The following TEAD1 variants were observed in gnomAD, a reference collection of about 807,000 sequenced individuals.
The protein encoded by TEAD1 is transcriptional enhancer factor TEF-1.
Under a neutral mutation model 54.9 loss-of-function variants are expected in TEAD1, and 9 were observed. That is an observed-to-expected ratio of 0.16 (90% CI 0.10 to 0.29). TEAD1 has a LOEUF of 0.29. TEAD1 is among the 10% of genes least tolerant of loss of function. The pLI, the probability that TEAD1 is intolerant of heterozygous loss-of-function variation, is 1.00. For synonymous variants in TEAD1, 200 were observed against 187.8 expected (o/e 1.07, Z -0.53); for missense variants, 387 against 535.9 (o/e 0.72, Z 2.74).
chr11:12,820,913 C>G (rs1042068385), intron 3 of TEAD1, among the ~76,000 whole-genome samples: 2 of 152,338 alleles, frequency 1.3e-5, no homozygotes, highest in Middle Eastern at 6.8e-3. Flanking sequence ...TTGTACATCC[C>G]AGTCTGCTGT....
intron 3 of TEAD1, among the ~76,000 whole-genome samples, chr11:12,857,087 T>G (rs1310095379): frequency 1.3e-5 from 2 of 152,244 alleles, no homozygotes; most frequent in Non-Finnish European, 2.9e-5. Flanking sequence ...CTCCATGCCT[T>G]TCTTCTGGGA....
intron 3 of TEAD1, among the ~76,000 whole-genome samples, chr11:12,816,277 C>T (rs186676201): frequency 6.6e-6 from 1 of 152,362 alleles, no homozygotes; most frequent in African/African-American, 2.4e-5. Flanking sequence ...TCTGACCACA[C>T]TCTCACTAGG....
chr11:12,762,758 T>C (rs930467621), intron 2 of TEAD1, among the ~76,000 whole-genome samples: 1 of 152,198 alleles, frequency 6.6e-6, no homozygotes, highest in Non-Finnish European at 1.5e-5. Flanking sequence ...ACCTGGCATC[T>C]GTTGATATAC....
At chr11:12,797,921 T>C (rs1945970181) in intron 3 of TEAD1, among the ~76,000 whole-genome samples, 1 of 152,222 alleles carries the variant, frequency 6.6e-6, no homozygotes, top group Non-Finnish European at 1.5e-5. Context: ...GGACATCTTT[T>C]GTATGTTCAT....
chr11:12,697,918 G>A (rs938107560), intron 2 of TEAD1, among the ~76,000 whole-genome samples: 6 of 151,908 alleles, frequency 3.9e-5, no homozygotes, highest in African/African-American at 1.4e-4. Context: ...AGCTAGCTGG[G>A]AGACTGAGGT....
intron 10 of TEAD1, among the ~76,000 whole-genome samples, chr11:12,912,323 G>A (rs1366422761): frequency 6.6e-6 from 1 of 152,160 alleles, no homozygotes; most frequent in Admixed American, 6.5e-5. Flanking sequence ...GAGCTGTAGT[G>A]GAAGTGGGCA....
At chr11:12,703,054 A>C (rs1051086156) in intron 2 of TEAD1, among the ~76,000 whole-genome samples, 1 of 152,114 alleles carries the variant, frequency 6.6e-6, no homozygotes, top group Non-Finnish European at 1.5e-5. Context: ...GAGCCACTAC[A>C]TCTTATCCTG....
In TEAD1 at chr11:12,922,282, C is replaced by T. The variant is rs1272429961; in HGVS notation, c.874-2630C>T. ...CGGGATCTCGGCTCACTGCAAGCTC[C>T]GCCTCCCGGGTTCACGCCATTCTCC... On this transcript the variant is annotated intron_variant, in intron 10 of 12. Coordinates refer to ENST00000527636, the MANE Select transcript of TEAD1 (RefSeq NM_021961.6). 2.8e-4 allele frequency among the ~76,000 whole-genome samples: 14 copies of T among 50,662 alleles called. 4 individuals carry two copies. The East Asian group carries it at 2.8e-3, about 10-fold the overall frequency. 33.2% of individuals were successfully genotyped at this position (50,662 alleles called of 152,430 possible).
chr11:12,910,657 A>G (rs931690395), intron 10 of TEAD1, among the ~76,000 whole-genome samples: 1 of 152,024 alleles, frequency 6.6e-6, no homozygotes, highest in Non-Finnish European at 1.5e-5. Flanking sequence ...ATGTTATCCT[A>G]TACTTATTTA....
intron 9 of TEAD1, among the ~76,000 whole-genome samples, chr11:12,895,050 T>C (rs1341938635): frequency 6.6e-6 from 1 of 152,112 alleles, no homozygotes; most frequent in East Asian, 1.9e-4. Context: ...GTGCTACTGC[T>C]CAGATTCAAA....
chr11:12,904,357 G>A (rs1948479214), intron 10 of TEAD1, among the ~76,000 whole-genome samples: 1 of 152,304 alleles, frequency 6.6e-6, no homozygotes, highest in African/African-American at 2.4e-5. Flanking sequence ...TGGGAAATTT[G>A]TGCCTACCTT....
At chr11:12,802,339 G>A (rs1946076490) in intron 3 of TEAD1, among the ~76,000 whole-genome samples, 1 of 151,884 alleles carries the variant, frequency 6.6e-6, no homozygotes, top group Non-Finnish European at 1.5e-5. Flanking sequence ...GAATAATGAT[G>A]GGTTTTATTA....
chr11:12,750,301 TC>T (rs1402903835), intron 2 of TEAD1, among the ~76,000 whole-genome samples: 1 of 151,562 alleles, frequency 6.6e-6, no homozygotes, highest in African/African-American at 2.4e-5. Context: ...TTGAAGACAG[TC>T]TGATGAGCAT....
At chr11:12,745,271 G>T (rs1317156446) in intron 2 of TEAD1, among the ~76,000 whole-genome samples, 2 of 152,182 alleles carry the variant, frequency 1.3e-5, no homozygotes, top group Non-Finnish European at 2.9e-5. Context: ...GGTGTGATGT[G>T]CCCTGCATGA....
intron 9 of TEAD1, among the ~76,000 whole-genome samples, chr11:12,898,797 C>G (rs1387957871): frequency 2.0e-5 from 3 of 152,170 alleles, no homozygotes; most frequent in Non-Finnish European, 2.9e-5. Context: ...TATTATATCC[C>G]CATTGCACAT....
At chr11:12,732,369 C>T (rs1944441941) in intron 2 of TEAD1, among the ~76,000 whole-genome samples, 2 of 152,152 alleles carry the variant, frequency 1.3e-5, no homozygotes, top group Admixed American at 6.5e-5. Context: ...TTCCTACTTC[C>T]ATTTTGTCAC....
intron 3 of TEAD1, among the ~76,000 whole-genome samples, chr11:12,818,410 T>C (rs1004943513): frequency 1.3e-5 from 2 of 152,214 alleles, no homozygotes; most frequent in Non-Finnish European, 2.9e-5. Context: ...ATCAAGGGAT[T>C]TTTTTTCAGA....
chr11:12,893,106 G>T (rs1391151171), intron 9 of TEAD1, among the ~76,000 whole-genome samples: 1 of 152,214 alleles, frequency 6.6e-6, no homozygotes, highest in African/African-American at 2.4e-5. Flanking sequence ...TCTAACCCAG[G>T]TGTCATTAAT....
intron 2 of TEAD1, among the ~76,000 whole-genome samples, chr11:12,751,500 C>G (rs750105421): frequency 5.3e-5 from 8 of 151,994 alleles, no homozygotes; most frequent in Non-Finnish European, 1.0e-4. Flanking sequence ...GGCTTGAAGT[C>G]TTGCAGGTAT....
Sources: gnomAD v4.1 joint callset for allele counts (sites outside exome capture counted in the v4.1 genomes callset) on GRCh38, gnomAD v4.1.1 for gene constraint, MANE v1.5 for transcripts, NCBI Gene and HGNC (gene_info 2026-07-23, HGNC 2026-07-21) for gene names.